Variants in IKBKB observed in about 807,000 individuals in gnomAD.
IKBKB encodes inhibitor of nuclear factor kappa-B kinase subunit beta.
A neutral mutation model predicts 113.6 loss-of-function variants in IKBKB; 42 were observed. The observed-to-expected ratio is 0.37, with a 90% CI of 0.29 to 0.48. The LOEUF (loss-of-function observed/expected upper bound fraction) is 0.48, where lower values mean the gene tolerates loss of function less well. Ranked by LOEUF, IKBKB falls within the 20% of genes least tolerant of loss-of-function variation. The probability of loss-of-function intolerance (pLI) is 0.99; values close to 1 mark genes in which losing one functional copy is unlikely to be tolerated. For missense variants in IKBKB, 673 were observed against 939.7 expected (o/e 0.72, Z 3.71); for synonymous variants, 296 against 361.3 (o/e 0.82, Z 2.05).
intron 19 of IKBKB, chr8:42,324,959 G>C (rs1298045707): frequency 6.5e-6 from 1 of 153,226 alleles, no homozygotes; most frequent in Non-Finnish European, 1.5e-5. Context: ...TGCTTAACAT[G>C]GCTTCTTGAT....
intron 15 of IKBKB, chr8:42,320,344 G>A: frequency 5.4e-6 from 1 of 184,974 alleles, no homozygotes; most frequent in Non-Finnish European, 1.1e-5. Context: ...AAACAGTCTG[G>A]GCCTCCCTGC....
chr8:42,284,364 C>T (rs1196449878), intron 2 of IKBKB, among the ~76,000 whole-genome samples: 4 of 152,060 alleles, frequency 2.6e-5, no homozygotes, highest in South Asian at 2.1e-4. Context: ...GGGTGGATCA[C>T]GAGGTCAGGA....
intron 7 of IKBKB, 98 bp downstream of exon 7, chr8:42,306,530 C>T (rs188347163): frequency 6.5e-5 from 51 of 789,704 alleles, no homozygotes; most frequent in African/African-American, 5.8e-4. Context: ...TGAGTCCCAC[C>T]GGCTCTCTGA....
intron 4 of IKBKB, 37 bp from the exon 5 acceptor site, chr8:42,293,406 C>A: frequency 6.2e-7 from 1 of 1,609,984 alleles, no homozygotes; most frequent in East Asian, 2.2e-5. Flanking sequence ...TGGTTTGTGA[C>A]CACCAGCTCT....
chr8:42,305,328 G>A, intron 6 of IKBKB, 53 bp downstream of exon 6: 1 of 1,121,892 alleles, frequency 8.9e-7, no homozygotes, highest in South Asian at 1.2e-5. Context: ...CCGGGAAGTG[G>A]CCTGGGAGGA....
chr8:42,330,757 C>T, intron 21 of IKBKB, 157 bp from the exon 22 acceptor site: 1 of 948,856 alleles, frequency 1.1e-6, no homozygotes, highest in Non-Finnish European at 1.3e-6. Flanking sequence ...ATCTGCCCAC[C>T]TTGGCCTCCC....
At chr8:42,311,067 G>T (rs1392286245) in intron 8 of IKBKB, among the ~76,000 whole-genome samples, 1 of 152,206 alleles carries the variant, frequency 6.6e-6, no homozygotes, top group African/African-American at 2.4e-5. Flanking sequence ...TTTGCACGTT[G>T]TAAAGGTTTT....
At chr8:42,303,603 C>G (rs1186591407) in intron 5 of IKBKB, among the ~76,000 whole-genome samples, 2 of 151,910 alleles carry the variant, frequency 1.3e-5, no homozygotes, top group Non-Finnish European at 2.9e-5. Context: ...CTCCTGGGTT[C>G]AAGCAATTCT....
chr8:42,316,609 G>T lies in IKBKB; in HGVS notation c.931-101G>T, dbSNP rs1818722662. ...CTCAAGCTAGGCCCTTGCTTTGTGT[G>T]GTTGGGAAATGTTGGGAGTAGCAGA... is the stretch of plus-strand genomic sequence containing the variant. On this transcript the variant is annotated intron_variant, in intron 10 of 21. Coordinates refer to ENST00000520810, the MANE Select transcript of IKBKB (RefSeq NM_001556.3). This position sits in a 1 kb window ranked among gnomAD's most constrained non-coding sequence, Gnocchi z 4.5. The T allele has an allele frequency of 2.6e-6, 3 of 1,162,984 alleles. No individual in the cohort carries two copies. The highest frequency in any genetic ancestry group is 2.8e-4 in the Middle Eastern group (1 of 3,544). The allele number at this position is 1,162,984 out of a possible 1,614,324, so 72.0% of individuals were successfully genotyped here. A position where few individuals can be genotyped will look rare whatever the true frequency, so the allele number is the denominator to read the frequency against.
chr8:42,290,325 C>T (rs768433710), intron 4 of IKBKB, 52 bp downstream of exon 4: 2 of 1,274,098 alleles, frequency 1.6e-6, no homozygotes, highest in South Asian at 1.2e-5. Context: ...AGGTGGGACA[C>T]CAGGAAGAGG....
rs905759259 is a variant in IKBKB at position 42,316,425 on chromosome 8, G to A, written c.930+86G>A. On this transcript the variant is annotated intron_variant, in intron 10 of 21. Transcript: ENST00000520810. The surrounding 1 kb of genome is among the most constrained non-coding windows in gnomAD (Gnocchi z 4.5). ...TTCTTAGGACAGAGCAGGGGATGGG[G>A]CCAGCTGACCTAGTGAGGAAATTTA... 6 of 1,519,060 alleles carry A rather than the reference G, an allele frequency of 3.9e-6. No homozygotes were observed. In the African/African-American group the frequency reaches 5.5e-5, roughly 14 times the overall value. The allele number at this position is 1,519,060 out of a possible 1,614,324, so 94.1% of individuals were successfully genotyped here.
intron 2 of IKBKB, among the ~76,000 whole-genome samples, chr8:42,284,852 C>CT (rs559953662): frequency 0.013 from 1,532 of 116,046 alleles, 31 homozygotes; most frequent in East Asian, 0.024. Context: ...AAACGTTATT[C>CT]TTTTTTTTTT....
chr8:42,301,009 A>C (rs1378967988), intron 5 of IKBKB, among the ~76,000 whole-genome samples: 1 of 151,922 alleles, frequency 6.6e-6, no homozygotes, highest in African/African-American at 2.4e-5. Context: ...ATGCGCCACC[A>C]TGCCTGGCTA....
In IKBKB at chr8:42,316,278, C is replaced by G; in HGVS notation, c.869C>G (p.Thr290Arg). The G allele has an allele frequency of 6.2e-7, 1 of 1,614,096 alleles. No homozygotes were observed. Among genetic ancestry groups the G allele is most frequent in the Non-Finnish European group, 8.5e-7 (1 of 1,179,996 alleles). ...ATGTGGCACCCCCGACAGAGGGGCA[C>G]GGATCCCACGTATGGGCCCAATGGC... ...MLMWHPRQRG[T>R]DPTYGPNGCF... is the part of the protein sequence containing the mutation. The change falls in exon 10 of 22, where the codon ACG becomes AGG. Residue 290 changes from threonine to arginine, a missense_variant. This residue lies in a region of IKBKB where 506 missense variants were observed against 638.7 expected (regional missense o/e 0.79). Coordinates refer to ENST00000520810, the MANE Select transcript of IKBKB (RefSeq NM_001556.3). The surrounding 1 kb of genome is among the most constrained non-coding windows in gnomAD (Gnocchi z 4.5).
chr8:42,330,598 C>T (rs1821586158), intron 21 of IKBKB, among the ~76,000 whole-genome samples: 1 of 152,226 alleles, frequency 6.6e-6, no homozygotes, highest in Non-Finnish European at 1.5e-5. Flanking sequence ...GCAACCCCTA[C>T]CTCCCAGGTT....
intron 1 of IKBKB, 55 bp from the exon 2 acceptor site, chr8:42,272,028 A>C (rs1807875719): frequency 1.3e-6 from 2 of 1,550,270 alleles, no homozygotes; most frequent in Admixed American, 3.8e-5. Context: ...CATCCCTTTG[A>C]GCTCCATTTT....
At chr8:42,319,881 A>T in intron 15 of IKBKB, 1 of 455,294 alleles carries the variant, frequency 2.2e-6, no homozygotes. Context: ...TCCAGGTTTA[A>T]ATAAGAAGCA....
chr8:42,283,918 T>C (rs1810854298), intron 2 of IKBKB, among the ~76,000 whole-genome samples: 1 of 152,146 alleles, frequency 6.6e-6, no homozygotes, highest in African/African-American at 2.4e-5. Context: ...TCCATGGAAA[T>C]GTTGCAGGGT....
chr8:42,301,386 A>C (rs921547206), intron 5 of IKBKB, among the ~76,000 whole-genome samples: 1 of 152,210 alleles, frequency 6.6e-6, no homozygotes, highest in African/African-American at 2.4e-5. Context: ...CATCAAATTT[A>C]AACAAAGTTA....
Sources: gnomAD v4.1 joint callset for allele counts (sites outside exome capture counted in the v4.1 genomes callset) on GRCh38, gnomAD v4.1.1 for gene constraint, gnomAD v4.1.1 regional missense constraint, Gnocchi (gnomAD v3.1) non-coding constraint, MANE v1.5 for transcripts, NCBI Gene and HGNC (gene_info 2026-07-23, HGNC 2026-07-21) for gene names.